The following SLC2A9 variants were observed in gnomAD, a reference collection of about 807,000 sequenced individuals.
SLC2A9 encodes the protein solute carrier family 2 member 9, also known as solute carrier family 2, facilitated glucose transporter member 9.
SLC2A9 carries 39 observed loss-of-function variants against 50.6 expected under a neutral mutation model. That is an observed-to-expected ratio of 0.77 (90% confidence interval 0.60 to 1.01). The LOEUF is 1.01. Ranked by LOEUF, SLC2A9 falls within the 50% of genes least tolerant of loss-of-function variation. SLC2A9 has a pLI of 0.00. For synonymous variants in SLC2A9, 324 were observed against 276.9 expected, an observed-to-expected ratio of 1.17 and a Z score of -1.69; for missense variants, 686 against 677.6, an observed-to-expected ratio of 1.01 and a Z score of -0.14.
At chr4:9,858,332 T>C (rs1731067375) in intron 10 of SLC2A9, among the ~76,000 whole-genome samples, 1 of 152,204 alleles carries the variant, frequency 6.6e-6, no homozygotes, top group Non-Finnish European at 1.5e-5. Context: ...ATTTCAACAT[T>C]AGTGTCTTTG....
chr4:10,005,313 G>A (rs1479768083), intron 2 of SLC2A9, among the ~76,000 whole-genome samples: 1 of 152,184 alleles, frequency 6.6e-6, no homozygotes, highest in Non-Finnish European at 1.5e-5. Context: ...GAGACCACAG[G>A]TTGCCACACA....
chr4:9,798,806 C>A (rs558883886), downstream of SLC2A9: 1 of 152,140 alleles, frequency 6.6e-6, no homozygotes, highest in Non-Finnish European at 1.5e-5. Flanking sequence ...TCACAGATAA[C>A]GTGTGTGATG....
At chr4:9,913,330 T>TGTGTGA (rs1491090035) in intron 7 of SLC2A9, among the ~76,000 whole-genome samples, 81 of 88,810 alleles carry the variant, frequency 9.1e-4, no homozygotes, top group Middle Eastern at 5.7e-3. Flanking sequence ...TGTGTGTGTG[T>TGTGTGA]GAGAGAGAGA....
chr4:9,840,426 TTTTTA>T (rs1375248894), intron 10 of SLC2A9, among the ~76,000 whole-genome samples: 1 of 152,246 alleles, frequency 6.6e-6, no homozygotes, highest in Non-Finnish European at 1.5e-5. Flanking sequence ...CCTTCTTTTA[TTTTTA>T]TTTTGTTTTT....
At chr4:9,789,641 G>T (rs1359571960) in intron 3 of SLC2A9, among the ~76,000 whole-genome samples, 1 of 152,238 alleles carries the variant, frequency 6.6e-6, no homozygotes, top group African/African-American at 2.4e-5. Flanking sequence ...AAACCCCTGG[G>T]CCTCTAGGCC....
intron 1 of SLC2A9, among the ~76,000 whole-genome samples, chr4:9,773,227 T>C (rs552589824): frequency 6.6e-5 from 10 of 152,292 alleles, no homozygotes; most frequent in African/African-American, 2.4e-4. Context: ...GGCTGGCTCA[T>C]CACCTGGGCC....
intron 2 of SLC2A9, among the ~76,000 whole-genome samples, chr4:10,000,507 T>G (rs1346434438): frequency 6.6e-6 from 1 of 152,190 alleles, no homozygotes; most frequent in Non-Finnish European, 1.5e-5. Context: ...TGGCCAAGAA[T>G]CCAGGTGCCA....
At chr4:9,823,259 G>A (rs781717359), downstream of SLC2A9, among the ~76,000 whole-genome samples, 2 of 152,154 alleles carry the variant, frequency 1.3e-5, no homozygotes, top group Admixed American at 1.3e-4. Context: ...AATTAGGAAA[G>A]GAGACCTGTT....
chr4:9,790,936 AT>A (rs1719839606), intron 3 of SLC2A9, among the ~76,000 whole-genome samples: 1 of 152,368 alleles, frequency 6.6e-6, no homozygotes, highest in African/African-American at 2.4e-5. Context: ...ACATCTAATT[AT>A]TCTCTAGATC....
intron 10 of SLC2A9, among the ~76,000 whole-genome samples, chr4:9,843,042 T>C (rs1728343916): frequency 1.3e-5 from 2 of 151,938 alleles, no homozygotes; most frequent in South Asian, 4.2e-4. Flanking sequence ...GTCTGAGGGG[T>C]AGGAGGGCTG....
downstream of SLC2A9, among the ~76,000 whole-genome samples, chr4:9,824,021 T>C (rs149486567): frequency 4.4e-3 from 666 of 152,308 alleles, 6 homozygotes; most frequent in African/African-American, 0.015. Flanking sequence ...CTAAAAGTCA[T>C]GTTGAAATTT....
At chr4:9,782,208 T>G (rs1718516437) in intron 3 of SLC2A9, 1 of 1,611,484 alleles carries the variant, frequency 6.2e-7, no homozygotes, top group African/African-American at 1.3e-5. Context: ...GGCAACGTGC[T>G]GGTGTGCGCA....
At chr4:9,972,528 G>A (rs1229272139) in intron 5 of SLC2A9, among the ~76,000 whole-genome samples, 1 of 150,802 alleles carries the variant, frequency 6.6e-6, no homozygotes, top group Admixed American at 6.6e-5. Flanking sequence ...AGCCACCTTC[G>A]TCTACCACAG....
intron 10 of SLC2A9, among the ~76,000 whole-genome samples, chr4:9,850,057 T>G (rs1191417234): frequency 6.7e-6 from 1 of 149,610 alleles, no homozygotes; most frequent in Non-Finnish European, 1.5e-5. Flanking sequence ...GAGAAGGCAT[T>G]GAGAGTGGAT....
chr4:10,035,009 T>G (rs1278090821), intron 1 of SLC2A9: 7 of 152,186 alleles, frequency 4.6e-5, no homozygotes, highest in African/African-American at 7.2e-5. Flanking sequence ...GAGTCCACCA[T>G]CAGTCTCAGC....
chr4:9,969,264 C>T (rs1192847416), intron 5 of SLC2A9, among the ~76,000 whole-genome samples: 2 of 152,046 alleles, frequency 1.3e-5, no homozygotes, highest in African/African-American at 2.4e-5. Flanking sequence ...TAATAAAACT[C>T]TTAAAATCTT....
At chr4:9,773,640 T>G (rs139568984) in intron 1 of SLC2A9, among the ~76,000 whole-genome samples, 1 of 152,334 alleles carries the variant, frequency 6.6e-6, no homozygotes, top group Non-Finnish European at 1.5e-5. Context: ...TATCATCCCC[T>G]GAGATCAGGG....
intron 3 of SLC2A9, among the ~76,000 whole-genome samples, chr4:9,785,848 G>A (rs1227793310): frequency 2.6e-5 from 4 of 152,142 alleles, no homozygotes; most frequent in African/African-American, 9.7e-5. Flanking sequence ...GATAGATAAC[G>A]CCAGGCAGGG....
chr4:9,832,162 G>GAGGT (rs1726270481), intron 11 of SLC2A9, among the ~76,000 whole-genome samples: 1 of 152,330 alleles, frequency 6.6e-6, no homozygotes, highest in African/African-American at 2.4e-5. Flanking sequence ...TTTCAGAAGG[G>GAGGT]AGGTAGGTCA....
Sources: gnomAD v4.1 joint callset for allele counts (sites outside exome capture counted in the v4.1 genomes callset) on GRCh38, gnomAD v4.1.1 for gene constraint, MANE v1.5 for transcripts, NCBI Gene and HGNC (gene_info 2026-07-23, HGNC 2026-07-21) for gene names.